Variants in PITPNM2 observed in about 807,000 individuals in gnomAD.
PITPNM2 encodes phosphatidylinositol transfer protein membrane associated 2, also known as membrane-associated phosphatidylinositol transfer protein 2.
In PITPNM2, 35 loss-of-function variants were observed where a neutral mutation model predicts 132.2. The ratio of observed to expected loss-of-function variants is 0.26; its 90% confidence interval spans 0.20 to 0.35. The LOEUF (loss-of-function observed/expected upper bound fraction) is 0.35. Ranked by LOEUF, PITPNM2 falls within the 10% of genes least tolerant of loss-of-function variation. PITPNM2 has a pLI of 1.00. For missense variants in PITPNM2, 1,332 were observed against 1,912.0 expected (o/e 0.70, Z 5.66); for synonymous variants, 738 against 799.2 (o/e 0.92, Z 1.29).
intron 1 of PITPNM2, among the ~76,000 whole-genome samples, chr12:123,133,821 C>CATACACAT (rs113390732): frequency 1.3e-5 from 2 of 150,708 alleles, no homozygotes; most frequent in South Asian, 4.2e-4. Flanking sequence ...CACAGACACA[C>CATACACAT]ACACGCTCCT....
intron 2 of PITPNM2, among the ~76,000 whole-genome samples, chr12:123,054,243 C>T (rs1566269316): frequency 6.6e-6 from 1 of 152,180 alleles, no homozygotes; most frequent in Non-Finnish European, 1.5e-5. Context: ...ACCTTTCTAC[C>T]TCCTGGGTAC....
At chr12:123,103,596 C>A (rs2042618755) in intron 2 of PITPNM2, among the ~76,000 whole-genome samples, 1 of 152,214 alleles carries the variant, frequency 6.6e-6, no homozygotes, top group Non-Finnish European at 1.5e-5. Context: ...CTCTGGGACC[C>A]TGGGGCCAGC....
chr12:123,052,080 T>TG (rs1822583546), intron 2 of PITPNM2, among the ~76,000 whole-genome samples: 1 of 135,258 alleles, frequency 7.4e-6, no homozygotes, highest in Non-Finnish European at 1.5e-5. Flanking sequence ...TTTTATTGTT[T>TG]TTTTTTTTTT....
chr12:123,148,042 C>G (rs561557762), intron 1 of PITPNM2, among the ~76,000 whole-genome samples: 14 of 152,212 alleles, frequency 9.2e-5, no homozygotes, highest in African/African-American at 2.6e-4. Context: ...CTGTAAGAAG[C>G]CTTTAGAAAG....
chr12:123,061,812 G>A (rs975410230), intron 2 of PITPNM2, among the ~76,000 whole-genome samples: 1 of 152,184 alleles, frequency 6.6e-6, no homozygotes, highest in Non-Finnish European at 1.5e-5. Context: ...GACAGAGTTT[G>A]GACAAAGTTA....
At chr12:123,091,763 C>G (rs1299424114) in intron 2 of PITPNM2, 2 of 152,218 alleles carry the variant, frequency 1.3e-5, no homozygotes, top group Admixed American at 1.3e-4. Context: ...GGAGCCTGGC[C>G]TGAGTTTCTA....
At chr12:123,127,715 T>C (rs1206473904) in intron 1 of PITPNM2, among the ~76,000 whole-genome samples, 1 of 151,340 alleles carries the variant, frequency 6.6e-6, no homozygotes, top group Non-Finnish European at 1.5e-5. Flanking sequence ...GTTCACGCCA[T>C]TCTCCTGCCT....
At chr12:123,144,135 G>A (rs2043563184) in intron 1 of PITPNM2, among the ~76,000 whole-genome samples, 1 of 152,238 alleles carries the variant, frequency 6.6e-6, no homozygotes, top group South Asian at 2.1e-4. Flanking sequence ...TGCTGAGGTT[G>A]AACGAGGGGA....
In PITPNM2 at chr12:123,111,004, C is replaced by T. The variant is rs1361204852; in HGVS notation, c.-199-516G>A. Among the ~76,000 whole-genome samples, 1 of 152,190 alleles carries T rather than the reference C, an allele frequency of 6.6e-6. No homozygotes were observed. Among genetic ancestry groups the T allele is most frequent in the Non-Finnish European group, 1.5e-5 (1 of 68,034 alleles). The stretch of plus-strand genomic sequence containing the variant: ...ATGGCTTCCAGCCTTCCAGCAAGCC[C>T]CTCCAGCTGGGCAGAGTGTGATCTG... On this transcript the variant is annotated intron_variant, in intron 1 of 25. Coordinates refer to ENST00000320201, the MANE Select transcript of PITPNM2 (RefSeq NM_020845.3). This position sits in a 1 kb window ranked among gnomAD's most constrained non-coding sequence, Gnocchi z 4.1.
At chr12:123,107,444 C>T (rs2042744806) in intron 2 of PITPNM2, among the ~76,000 whole-genome samples, 1 of 152,318 alleles carries the variant, frequency 6.6e-6, no homozygotes, top group Non-Finnish European at 1.5e-5. Context: ...GACACAACCC[C>T]AGCTACCCCA....
chr12:122,989,676 C>A (rs2038099356), intron 18 of PITPNM2, 111 bp downstream of exon 18: 15 of 1,099,254 alleles, frequency 1.4e-5, no homozygotes, highest in Non-Finnish European at 1.7e-5. Flanking sequence ...CCAGCCCAGC[C>A]CCCAGCTCCC....
At chr12:123,135,577 C>T (rs992589396) in intron 1 of PITPNM2, among the ~76,000 whole-genome samples, 7 of 152,322 alleles carry the variant, frequency 4.6e-5, no homozygotes, top group Non-Finnish European at 7.3e-5. Flanking sequence ...ATGAATTTGA[C>T]TACTCTAGGT....
In PITPNM2 at chr12:122,990,723, G is replaced by A; in HGVS notation, c.2405-14C>T. ...GGAGCACATCCGCTGCAGGTGGACA[G>A]GGACCAGAGGCCAGGTAAGAGAGGC... On this transcript the variant is annotated splice_polypyrimidine_tract_variant and intron_variant, in intron 16 of 25. Transcript: ENST00000320201. The A allele has an allele frequency of 6.3e-7, 1 of 1,590,388 alleles. No homozygotes were observed. Among genetic ancestry groups the A allele is most frequent in the Non-Finnish European group, 8.6e-7 (1 of 1,168,724 alleles).
At position 123,036,452 on chromosome 12, in the gene PITPNM2, C is replaced by T. The variant is rs1241633506; in HGVS notation, c.-95-1767G>A. ...ATCCTGGCATTATGGGATGCCAAGG[C>T]AGGTGGACTGCTTGAGGTCAAGCAA... is the stretch of plus-strand genomic sequence containing the variant. On this transcript the variant is annotated intron_variant, in intron 2 of 25. Coordinates refer to ENST00000320201, the MANE Select transcript of PITPNM2 (RefSeq NM_020845.3). The surrounding 1 kb of genome is among the most constrained non-coding windows in gnomAD (Gnocchi z 4.1). Among the ~76,000 whole-genome samples, 1 of 152,182 alleles carries T rather than the reference C, an allele frequency of 6.6e-6. No homozygotes were observed. The highest frequency in any genetic ancestry group is 1.5e-5 in the Non-Finnish European group (1 of 68,024).
At position 122,988,122 on chromosome 12, in the gene PITPNM2, T is replaced by C. The variant is rs554571868; in HGVS notation, c.2997+112A>G. On this transcript the variant is annotated intron_variant, in intron 20 of 25. Transcript: ENST00000320201. The stretch of plus-strand genomic sequence containing the variant: ...GGCTGACAGCTCCAACCTCATGGCC[T>C]GGGAAGGTACATAAGACTGCAGGCT... 1.4e-4 allele frequency: 136 copies of C among 1,005,404 alleles called. 4 individuals carry two copies. In the South Asian group the frequency reaches 1.9e-3, roughly 14 times the overall value. 62.3% of individuals were successfully genotyped at this position (1,005,404 alleles called of 1,614,324 possible). A position where few individuals can be genotyped will look rare whatever the true frequency, so the allele number is the denominator to read the frequency against.
intron 2 of PITPNM2, among the ~76,000 whole-genome samples, chr12:123,107,648 G>C (rs1276705034): frequency 1.3e-5 from 2 of 152,136 alleles, no homozygotes; most frequent in African/African-American, 4.8e-5. Flanking sequence ...CATGACTCTC[G>C]CTACCAGGGC....
chr12:123,147,239 T>C (rs1355594785), intron 1 of PITPNM2, among the ~76,000 whole-genome samples: 1 of 152,238 alleles, frequency 6.6e-6, no homozygotes, highest in Non-Finnish European at 1.5e-5. Context: ...ACAACTCTTA[T>C]CACACATACC....
intron 14 of PITPNM2, 145 bp downstream of exon 14, chr12:122,995,244 C>A: frequency 2.4e-6 from 3 of 1,272,280 alleles, no homozygotes; most frequent in Non-Finnish European, 3.2e-6. Flanking sequence ...TTCTCCTGGG[C>A]CCAGACTGGG....
At position 123,083,753 on chromosome 12, in the gene PITPNM2, C is replaced by T. The variant is rs2042032126; in HGVS notation, c.-96+26632G>A. On this transcript the variant is annotated intron_variant, in intron 2 of 25. Coordinates refer to ENST00000320201, the MANE Select transcript of PITPNM2 (RefSeq NM_020845.3). The surrounding 1 kb of genome is among the most constrained non-coding windows in gnomAD (Gnocchi z 4.5). Reference sequence around the variant, plus strand: ...TGGCCAACAGAGCCTGAAGCCAGCACATCGTGGAGGGGCAGCAGCCTGGGG... The same window carrying T: ...TGGCCAACAGAGCCTGAAGCCAGCATATCGTGGAGGGGCAGCAGCCTGGGG... 2 of 152,606 alleles carry T rather than the reference C, an allele frequency of 1.3e-5. No homozygotes were observed. Among genetic ancestry groups the T allele is most frequent in the African/African-American group, 2.4e-5 (1 of 41,462 alleles). 9.5% of individuals were successfully genotyped at this position (152,606 alleles called of 1,614,324 possible). A position where few individuals can be genotyped will look rare whatever the true frequency, so the allele number is the denominator to read the frequency against.
Sources: gnomAD v4.1 joint callset for allele counts (sites outside exome capture counted in the v4.1 genomes callset) on GRCh38, gnomAD v4.1.1 for gene constraint, Gnocchi (gnomAD v3.1) non-coding constraint, MANE v1.5 for transcripts, NCBI Gene and HGNC (gene_info 2026-07-23, HGNC 2026-07-21) for gene names.